Variants in JMJD1C observed in about 807,000 individuals in gnomAD.
JMJD1C encodes jumonji domain containing 1C, also known as jumonji domain-containing protein 1C.
Under a neutral mutation model 245.3 loss-of-function variants are expected in JMJD1C, and 31 were observed. The observed-to-expected ratio is 0.13, with a 90% CI of 0.09 to 0.17. The LOEUF (loss-of-function observed/expected upper bound fraction) is 0.17, where lower values mean the gene tolerates loss of function less well. Among genes scored for constraint, JMJD1C ranks in the 10% least tolerant of loss-of-function variants. JMJD1C has a pLI of 1.00. For missense variants in JMJD1C, 2,691 were observed against 3,000.2 expected, an observed-to-expected ratio of 0.90 and a Z score of 2.41; for synonymous variants, 1,057 against 1,017.4, an observed-to-expected ratio of 1.04 and a Z score of -0.74.
chr10:63,197,246 C>T (rs964577816), intron 13 of JMJD1C, among the ~76,000 whole-genome samples, 165 bp downstream of exon 13: 6 of 150,542 alleles, frequency 4.0e-5, no homozygotes, highest in Admixed American at 1.3e-4. Flanking sequence ...AAAATATAGC[C>T]GTTAATAAAC....
chr10:63,324,177 A>C (rs1042109433), intron 2 of JMJD1C, among the ~76,000 whole-genome samples: 4 of 151,960 alleles, frequency 2.6e-5, no homozygotes, highest in Non-Finnish European at 4.4e-5. Flanking sequence ...ACACAGTCAG[A>C]AATAATATCT....
chr10:63,305,345 C>T (rs1057019956), intron 2 of JMJD1C, among the ~76,000 whole-genome samples: 1 of 138,484 alleles, frequency 7.2e-6, no homozygotes, highest in Non-Finnish European at 1.5e-5. Context: ...TCCAGCCTGG[C>T]GACGGAGCAA....
intron 2 of JMJD1C, among the ~76,000 whole-genome samples, chr10:63,326,421 T>TAAAG (rs1351468527): frequency 2.8e-4 from 39 of 140,240 alleles, no homozygotes; most frequent in African/African-American, 8.8e-4. Context: ...AATAAATAAA[T>TAAAG]AAATAAAGAT....
chr10:63,184,113 G>C lies in JMJD1C; in HGVS notation c.6961+495C>G, dbSNP rs529806992. ...AGCTAATTTTTCTATTTTTAGTAGA[G>C]ATGGGGTTTCACCATGTCAGCCAGG... On this transcript the variant is annotated intron_variant, in intron 21 of 25. Coordinates refer to ENST00000399262, the MANE Select transcript of JMJD1C (RefSeq NM_032776.3). Among the ~76,000 whole-genome samples, 5 of 151,890 alleles carry C rather than the reference G, an allele frequency of 3.3e-5. No homozygotes were observed. In the South Asian group the frequency reaches 1.0e-3, roughly 32 times the overall value.
At chr10:63,355,382 A>C (rs1944744903) in intron 2 of JMJD1C, among the ~76,000 whole-genome samples, 1 of 152,194 alleles carries the variant, frequency 6.6e-6, no homozygotes, top group Non-Finnish European at 1.5e-5. Flanking sequence ...ATTTGTGTGC[A>C]TATGTGTGCG....
At chr10:63,334,036 A>C (rs1293815164) in intron 2 of JMJD1C, among the ~76,000 whole-genome samples, 1 of 152,208 alleles carries the variant, frequency 6.6e-6, no homozygotes, top group Non-Finnish European at 1.5e-5. Context: ...GAAGTGATTC[A>C]CTGCACTCCT....
At chr10:63,172,927 G>A (rs1263523080) in intron 24 of JMJD1C, among the ~76,000 whole-genome samples, 1 of 148,762 alleles carries the variant, frequency 6.7e-6, no homozygotes, top group Non-Finnish European at 1.5e-5. Context: ...GACAGAGGGG[G>A]AAGTGTGGAT....
intron 1 of JMJD1C, among the ~76,000 whole-genome samples, chr10:63,476,696 T>A (rs1237727210): frequency 6.6e-6 from 1 of 152,108 alleles, no homozygotes. Flanking sequence ...ACCACTGCAC[T>A]CCAGCCTGGA....
intron 3 of JMJD1C, among the ~76,000 whole-genome samples, chr10:63,226,149 G>A (rs1589214213): frequency 6.6e-6 from 1 of 152,148 alleles, no homozygotes; most frequent in African/African-American, 2.4e-5. Context: ...AAGAACAACG[G>A]GTGGAAGATA....
At chr10:63,520,420 C>T (rs1211201660) in intron 1 of JMJD1C, among the ~76,000 whole-genome samples, 1 of 150,472 alleles carries the variant, frequency 6.6e-6, no homozygotes, top group East Asian at 1.9e-4. Context: ...CATCTGAATA[C>T]TAGAATTATC....
chr10:63,213,451 G>A (rs1461908298), intron 8 of JMJD1C, 22 bp downstream of exon 8: 1 of 1,413,176 alleles, frequency 7.1e-7, no homozygotes, highest in African/African-American at 1.4e-5. Flanking sequence ...ACTGCTATGT[G>A]GCAAACTACA....
chr10:63,289,219 G>A (rs1302473776), intron 2 of JMJD1C, among the ~76,000 whole-genome samples: 1 of 152,042 alleles, frequency 6.6e-6, no homozygotes, highest in Non-Finnish European at 1.5e-5. Context: ...CAGAACTAGT[G>A]AAATTTAAAT....
At chr10:63,520,715 T>C (rs1268042796) in intron 1 of JMJD1C, among the ~76,000 whole-genome samples, 4 of 152,182 alleles carry the variant, frequency 2.6e-5, no homozygotes, top group Non-Finnish European at 4.4e-5. Context: ...TGGAGATTCG[T>C]GTCTGTAAAC....
chr10:63,291,404 C>T (rs1478663309), intron 2 of JMJD1C, among the ~76,000 whole-genome samples: 1 of 150,508 alleles, frequency 6.6e-6, no homozygotes, highest in Non-Finnish European at 1.5e-5. Context: ...ATCACAAGGT[C>T]ACGAGATCAA....
intron 13 of JMJD1C, among the ~76,000 whole-genome samples, chr10:63,195,590 T>C (rs1437983191): frequency 6.6e-6 from 1 of 152,040 alleles, no homozygotes; most frequent in East Asian, 1.9e-4. Context: ...TATTTAACAG[T>C]AAAATAGATA....
At chr10:63,193,920 C>G (rs1305406451) in intron 14 of JMJD1C, among the ~76,000 whole-genome samples, 1 of 152,224 alleles carries the variant, frequency 6.6e-6, no homozygotes, top group Admixed American at 6.5e-5. Flanking sequence ...CCGGCCTTGG[C>G]CTCCCAAAAT....
chr10:63,388,417 C>A (rs1947798482), intron 1 of JMJD1C, among the ~76,000 whole-genome samples: 1 of 150,130 alleles, frequency 6.7e-6, no homozygotes, highest in African/African-American at 2.4e-5. Flanking sequence ...GAAATAAAGT[C>A]TTTCCTAAAC....
At chr10:63,329,780 G>GT (rs1379721747) in intron 2 of JMJD1C, among the ~76,000 whole-genome samples, 1 of 152,220 alleles carries the variant, frequency 6.6e-6, no homozygotes, top group Non-Finnish European at 1.5e-5. Context: ...GTTAGCAGCA[G>GT]TAAGCCACAG....
chr10:63,381,554 G>T (rs1246296715), intron 1 of JMJD1C, among the ~76,000 whole-genome samples: 1 of 152,086 alleles, frequency 6.6e-6, no homozygotes, highest in Admixed American at 6.6e-5. Context: ...ACAAAAAGTG[G>T]ATCTCATGGA....
Sources: gnomAD v4.1 joint callset for allele counts (sites outside exome capture counted in the v4.1 genomes callset) on GRCh38, gnomAD v4.1.1 for gene constraint, MANE v1.5 for transcripts, NCBI Gene and HGNC (gene_info 2026-07-23, HGNC 2026-07-21) for gene names.